The following PDE3A variants were observed in gnomAD, a reference collection of about 807,000 sequenced individuals.
The protein encoded by PDE3A is phosphodiesterase 3A, also known as cGMP-inhibited 3',5'-cyclic phosphodiesterase 3A.
PDE3A carries 43 observed loss-of-function variants against 98.3 expected under a neutral mutation model. That is an observed-to-expected ratio of 0.44 (90% CI 0.34 to 0.56). The LOEUF (loss-of-function observed/expected upper bound fraction) is 0.56. Ranked by LOEUF, PDE3A falls within the 20% of genes least tolerant of loss-of-function variation. The probability of loss-of-function intolerance (pLI) is 0.01; values close to 1 mark genes in which losing one functional copy is unlikely to be tolerated. For synonymous variants in PDE3A, 663 were observed against 567.9 expected (o/e 1.17, Z -2.38); for missense variants, 1,427 against 1,440.7 (o/e 0.99, Z 0.15).
intron 15 of PDE3A, among the ~76,000 whole-genome samples, chr12:20,668,140 C>G (rs532211279): frequency 6.6e-6 from 1 of 152,064 alleles, no homozygotes; most frequent in Non-Finnish European, 1.5e-5. Context: ...GCTTTTCCGA[C>G]GGGCTTAAAA....
At chr12:20,621,459 T>C (rs1310168691) in intron 5 of PDE3A, 48 bp downstream of exon 5, 1 of 979,106 alleles carries the variant, frequency 1.0e-6, no homozygotes, top group Non-Finnish European at 1.7e-6. Context: ...TGTGGAGTTC[T>C]AGAGTAAACC....
At chr12:20,487,007 G>T (rs1006749727) in intron 1 of PDE3A, among the ~76,000 whole-genome samples, 1 of 152,120 alleles carries the variant, frequency 6.6e-6, no homozygotes, top group Admixed American at 6.5e-5. Context: ...AGCATTACTT[G>T]AATTTTTTTC....
chr12:20,613,801 C>T, intron 3 of PDE3A, 101 bp downstream of exon 3: 1 of 816,350 alleles, frequency 1.2e-6, no homozygotes, highest in Admixed American at 2.3e-5. Context: ...AGATTCATAT[C>T]AGTGACTCAG....
chr12:20,457,868 T>C (rs1337648575), intron 1 of PDE3A, among the ~76,000 whole-genome samples: 1 of 152,076 alleles, frequency 6.6e-6, no homozygotes, highest in African/African-American at 2.4e-5. Flanking sequence ...TTTAGAAAGG[T>C]TATTTCCCTA....
At chr12:20,539,377 A>G (rs1021751838) in intron 1 of PDE3A, among the ~76,000 whole-genome samples, 11 of 152,140 alleles carry the variant, frequency 7.2e-5, no homozygotes, top group African/African-American at 2.4e-4. Flanking sequence ...AGCCACCCAT[A>G]TGGGCATCCT....
At position 20,686,317 on chromosome 12, in the gene PDE3A, T is replaced by C. The variant is rs1490653621; in HGVS notation, c.*6046T>C. On this transcript the variant is annotated 3_prime_UTR_variant, in exon 16 of 16. Transcript: ENST00000359062. Reference sequence around the variant, plus strand: ...CCAGCAATTTATTGTTTTGTGTTGTTATAAAATAAATGTTCTATTAATGTA... The same window carrying C: ...CCAGCAATTTATTGTTTTGTGTTGTCATAAAATAAATGTTCTATTAATGTA... 1.1e-4 allele frequency among the ~76,000 whole-genome samples: 16 copies of C among 152,186 alleles called. No individual in the cohort carries two copies. Among genetic ancestry groups the C allele is most frequent in the Non-Finnish European group, 7.4e-5 (5 of 68,006 alleles).
Position 20,616,201 on chromosome 12 carries a change from T to C in PDE3A, c.1270-29T>C. The C allele has an allele frequency of 2.5e-6, 4 of 1,602,266 alleles. No individual in the cohort carries two copies. In the South Asian group the frequency reaches 3.3e-5, roughly 13 times the overall value. On this transcript the variant is annotated intron_variant, in intron 3 of 15. Transcript: ENST00000359062. ...AAAATTTAAGAGATATAAAATATTC[T>C]GGGTAATGAAGTCAAGTCTCTTTCC...
chr12:20,468,430 T>G (rs1945380877), intron 1 of PDE3A, among the ~76,000 whole-genome samples: 1 of 152,226 alleles, frequency 6.6e-6, no homozygotes, highest in Admixed American at 6.5e-5. Flanking sequence ...ATGAGGGATC[T>G]ATAAGACTGA....
intron 2 of PDE3A, among the ~76,000 whole-genome samples, chr12:20,567,453 C>A (rs1467141415): frequency 6.6e-6 from 1 of 151,906 alleles, no homozygotes; most frequent in Non-Finnish European, 1.5e-5. Context: ...GTCCATGATA[C>A]CTTATTGTAG....
rs58205359 is a variant in PDE3A, at chr12:20,518,432, A to G, written c.961-38228A>G. 1.7e-3 allele frequency among the ~76,000 whole-genome samples: 256 copies of G among 152,312 alleles called. 1 individual carries two copies. The highest frequency in any genetic ancestry group is 5.8e-3 in the African/African-American group (242 of 41,570). On this transcript the variant is annotated intron_variant, in intron 1 of 15. Coordinates refer to ENST00000359062, the MANE Select transcript of PDE3A (RefSeq NM_000921.5). Reference sequence around the variant, plus strand: ...GAAAAAAAAAAGATTCATTTGGGAGAAGATCTCCAAGTATAACCAAATTTA... The same window carrying G: ...GAAAAAAAAAAGATTCATTTGGGAGGAGATCTCCAAGTATAACCAAATTTA...
chr12:20,676,182 A>T (rs1945633743), intron 15 of PDE3A, among the ~76,000 whole-genome samples: 1 of 151,858 alleles, frequency 6.6e-6, no homozygotes, highest in Non-Finnish European at 1.5e-5. Flanking sequence ...TATACTTTCA[A>T]GTGTTTTCAT....
chr12:20,559,470 T>C (rs1942457095), intron 2 of PDE3A, among the ~76,000 whole-genome samples: 2 of 150,740 alleles, frequency 1.3e-5, no homozygotes, highest in Middle Eastern at 3.2e-3. Context: ...AAACCCCGTC[T>C]CCACTAAAAA....
At chr12:20,640,059 T>C (rs1332633149) in intron 10 of PDE3A, 102 bp downstream of exon 10, 4 of 611,210 alleles carry the variant, frequency 6.5e-6, no homozygotes, top group African/African-American at 1.8e-5. Context: ...GAATTACACA[T>C]GGTAGACGCT....
intron 1 of PDE3A, among the ~76,000 whole-genome samples, chr12:20,548,091 C>T (rs1427739226): frequency 6.6e-6 from 1 of 152,034 alleles, no homozygotes; most frequent in Admixed American, 6.6e-5. Flanking sequence ...CCATAAGGAT[C>T]AAAATGACTT....
At chr12:20,385,986 T>C (rs1375165533) in intron 1 of PDE3A, among the ~76,000 whole-genome samples, 1 of 107,012 alleles carries the variant, frequency 9.3e-6, no homozygotes, top group African/African-American at 4.2e-5. Flanking sequence ...TAATATATAA[T>C]ATATATAAAA....
chr12:20,611,130 A>G (rs1565448481), intron 2 of PDE3A, among the ~76,000 whole-genome samples: 2 of 151,948 alleles, frequency 1.3e-5, no homozygotes. Context: ...CTGTACATAT[A>G]CACATAACAT....
intron 1 of PDE3A, among the ~76,000 whole-genome samples, chr12:20,411,102 G>A (rs1159964530): frequency 6.6e-6 from 1 of 151,930 alleles, no homozygotes; most frequent in Non-Finnish European, 1.5e-5. Context: ...TCAAATTTTG[G>A]CATTTATTTT....
chr12:20,371,158 CT>C (rs1274877812), intron 1 of PDE3A, among the ~76,000 whole-genome samples: 1 of 152,142 alleles, frequency 6.6e-6, no homozygotes, highest in Non-Finnish European at 1.5e-5. Flanking sequence ...GTAAATAAAA[CT>C]TTAGTCACTT....
At position 20,683,985 on chromosome 12, in the gene PDE3A, A is replaced by G. The variant is rs1261450713; in HGVS notation, c.*3714A>G. 6.6e-6 allele frequency: 1 copy of G among 152,136 alleles called. No individual in the cohort carries two copies. Among genetic ancestry groups the G allele is most frequent in the African/African-American group, 2.4e-5 (1 of 41,442 alleles). The allele number at this position is 152,136 out of a possible 1,614,324, so 9.4% of individuals were successfully genotyped here. ...TTCTTTGAAGGTAAAAGCTGTGCAA[A>G]AGGCATGAGACTCAGGCCTACTCTT... On this transcript the variant is annotated 3_prime_UTR_variant, in exon 16 of 16. Transcript: ENST00000359062.
Sources: gnomAD v4.1 joint callset for allele counts (sites outside exome capture counted in the v4.1 genomes callset) on GRCh38, gnomAD v4.1.1 for gene constraint, MANE v1.5 for transcripts, NCBI Gene and HGNC (gene_info 2026-07-23, HGNC 2026-07-21) for gene names.